The following UBR2 variants were observed in gnomAD, a reference collection of about 807,000 sequenced individuals.
The protein encoded by UBR2 is ubiquitin protein ligase E3 component n-recognin 2.
UBR2 carries 92 observed loss-of-function variants against 247.9 expected under a neutral mutation model. The ratio of observed to expected loss-of-function variants is 0.37; its 90% CI spans 0.31 to 0.44. The LOEUF is 0.44. Among genes scored for constraint, UBR2 ranks in the 20% least tolerant of loss-of-function variants. The pLI, the probability that UBR2 is intolerant of heterozygous loss-of-function variation, is 1.00. For synonymous variants in UBR2, 672 were observed against 693.5 expected (o/e 0.97, Z 0.49); for missense variants, 1,613 against 2,112.6 (o/e 0.76, Z 4.64).
intron 31 of UBR2, among the ~76,000 whole-genome samples, chr6:42,662,708 T>G (rs2151976598): frequency 6.6e-6 from 1 of 152,330 alleles, no homozygotes; most frequent in South Asian, 2.1e-4. Flanking sequence ...TCTACCTTGG[T>G]GTTTCCTATG....
chr6:42,574,121 T>A (rs1791347763), intron 2 of UBR2, 128 bp downstream of exon 2: 2 of 899,148 alleles, frequency 2.2e-6, no homozygotes, highest in African/African-American at 1.7e-5. Context: ...GTATTACAAA[T>A]ACATGCTATT....
intron 45 of UBR2, among the ~76,000 whole-genome samples, chr6:42,688,687 C>T (rs1370099760): frequency 1.3e-5 from 2 of 152,206 alleles, no homozygotes; most frequent in Non-Finnish European, 1.5e-5. Context: ...CAAATCCAGT[C>T]AGAATTACTC....
In UBR2 at chr6:42,667,587, C is replaced by CTTTTTT. The variant is rs1161068427; in HGVS notation, c.3881+1361_3881+1366dup. ...TATTTCCTTTCTTGTACAGTTTTGTCTTTTTTTTTTTTTTTTTTTTTTTTG... is the reference window on the plus strand; with the variant it reads ...TATTTCCTTTCTTGTACAGTTTTGTCTTTTTTTTTTTTTTTTTTTTTTTTTTTTTTG... On this transcript the variant is annotated intron_variant, in intron 34 of 46. Transcript: ENST00000372901. 2.2e-3 allele frequency among the ~76,000 whole-genome samples: 103 copies of CTTTTTT among 47,408 alleles called. 1 individual carries two copies. Among genetic ancestry groups the CTTTTTT allele is most frequent in the South Asian group, 2.9e-3 (2 of 696 alleles). 31.1% of individuals were successfully genotyped at this position (47,408 alleles called of 152,430 possible). A position where few individuals can be genotyped will look rare whatever the true frequency, so the allele number is the denominator to read the frequency against.
rs754684400 is a variant in UBR2 at position 42,676,897 on chromosome 6, C to T, written c.4478+24C>T. On this transcript the variant is annotated intron_variant, in intron 40 of 46. Transcript: ENST00000372901. ...AGGTGAGTTAGTTATCTTTACATAACGCATTTCCCTAAATATTGCTAGATG... is the reference window on the plus strand; with the variant it reads ...AGGTGAGTTAGTTATCTTTACATAATGCATTTCCCTAAATATTGCTAGATG... 1.3e-5 allele frequency: 20 copies of T among 1,549,580 alleles called. No individual in the cohort carries two copies. The Admixed American group carries it at 1.5e-4, about 12-fold the overall frequency.
chr6:42,650,742 A>G (rs1227538424), intron 23 of UBR2, among the ~76,000 whole-genome samples: 1 of 152,146 alleles, frequency 6.6e-6, no homozygotes, highest in Non-Finnish European at 1.5e-5. Context: ...TTTTGGAGTT[A>G]CCCCCTAGCG....
chr6:42,640,747 T>G (rs758056522), intron 16 of UBR2, among the ~76,000 whole-genome samples: 1 of 152,046 alleles, frequency 6.6e-6, no homozygotes, highest in Non-Finnish European at 1.5e-5. Context: ...TTTATTTTTT[T>G]GAGACAGAGT....
At chr6:42,590,218 G>C (rs1202180726) in intron 2 of UBR2, among the ~76,000 whole-genome samples, 1 of 152,190 alleles carries the variant, frequency 6.6e-6, no homozygotes, top group Admixed American at 6.5e-5. Context: ...GATTGTAAAA[G>C]CTTGGAGATG....
intron 44 of UBR2, among the ~76,000 whole-genome samples, chr6:42,685,374 T>C (rs533504556): frequency 6.6e-6 from 1 of 150,654 alleles, no homozygotes; most frequent in South Asian, 2.1e-4. Context: ...CATTTCACTA[T>C]GTTTCAGAAT....
At chr6:42,609,139 C>G (rs895143563) in intron 7 of UBR2, among the ~76,000 whole-genome samples, 1 of 152,132 alleles carries the variant, frequency 6.6e-6, no homozygotes, top group Admixed American at 6.6e-5. Flanking sequence ...GGAATACATG[C>G]TTAACAATAA....
At chr6:42,641,520 T>C in intron 16 of UBR2, 62 bp from the exon 17 acceptor site, 2 of 1,283,080 alleles carry the variant, frequency 1.6e-6, no homozygotes, top group South Asian at 1.3e-5. Flanking sequence ...AACTTCTTTT[T>C]AGAACTGATT....
In UBR2 at chr6:42,573,803, T is replaced by C. The variant is rs780332282; in HGVS notation, c.148T>C (p.Tyr50His). The change falls in exon 2 of 47, where the codon TAC becomes CAC. Residue 50 changes from tyrosine to histidine, a missense_variant. By Grantham distance (83) the Tyr-to-His change is moderately conservative. Around this residue, in one of 3 missense-constraint regions of UBR2, gnomAD observed 1,524 missense variants for 1,967.3 expected, o/e 0.77. Coordinates refer to ENST00000372901, the MANE Select transcript of UBR2 (RefSeq NM_001363705.2). ...QHLAHYVPKI[Y>H]CRGPNPFPQK... The stretch of plus-strand genomic sequence containing the variant: ...TTTAGCCCACTATGTACCCAAAATC[T>C]ACTGCAGGGGTCCCAACCCTTTTCC... 4 of 1,613,364 alleles carry C rather than the reference T, an allele frequency of 2.5e-6. No individual in the cohort carries two copies. Among genetic ancestry groups the C allele is most frequent in the Non-Finnish European group, 3.4e-6 (4 of 1,179,634 alleles).
At chr6:42,564,645 A>G (rs1372331480) in intron 1 of UBR2, among the ~76,000 whole-genome samples, 1 of 152,182 alleles carries the variant, frequency 6.6e-6, no homozygotes, top group Non-Finnish European at 1.5e-5. Context: ...AGGAGAACCC[A>G]CGGCTCTTCC....
At chr6:42,641,081 T>G (rs1796418856) in intron 16 of UBR2, among the ~76,000 whole-genome samples, 1 of 152,194 alleles carries the variant, frequency 6.6e-6, no homozygotes, top group African/African-American at 2.4e-5. Context: ...ATAGCAACAT[T>G]AGATTGGTGT....
chr6:42,684,809 T>A lies in UBR2; in HGVS notation c.4791T>A (p.Ser1597=). 6.2e-7 allele frequency: 1 copy of A among 1,609,220 alleles called. No individual in the cohort carries two copies. The highest frequency in any genetic ancestry group is 8.5e-7 in the Non-Finnish European group (1 of 1,177,748). ...ERDAIRYPRE[S]NKLINLPEDY... is the part of the protein sequence containing the mutation. ...TTTTTTTCAGATATCCAAGAGAATCTAACAAATTAATAAACCTTCCAGAGG... is the reference window on the plus strand; with the variant it reads ...TTTTTTTCAGATATCCAAGAGAATCAAACAAATTAATAAACCTTCCAGAGG... Residue 1597 remains serine, a synonymous_variant, in exon 44 of 47, where the codon TCT becomes TCA. Coordinates refer to ENST00000372901, the MANE Select transcript of UBR2 (RefSeq NM_001363705.2).
At position 42,688,361 on chromosome 6, in the gene UBR2, G is replaced by A. The variant is rs1362320499; in HGVS notation, c.4999G>A (p.Gly1667Ser). Residue 1667 changes from glycine (G) to serine (S), a missense_variant, in exon 45 of 47, where the codon GGC becomes AGC. This residue lies in a region of UBR2 where 80 missense variants were observed against 108.6 expected (regional missense o/e 0.74). Coordinates refer to ENST00000372901, the MANE Select transcript of UBR2 (RefSeq NM_001363705.2). Reference protein sequence around the residue: ...GACTAHTYSCGSGVGIFLRVR... With the variant: ...GACTAHTYSCSSGVGIFLRVR... ...CTGCACAGCTCACACCTACTCCTGT[G>A]GCTCTGGAGTGGGCATCTTCCTGAG... The A allele has an allele frequency of 6.2e-7, 1 of 1,613,520 alleles. No homozygotes were observed. The highest frequency in any genetic ancestry group is 2.2e-5 in the East Asian group (1 of 44,888).
intron 1 of UBR2, among the ~76,000 whole-genome samples, chr6:42,570,449 T>C (rs1233461957): frequency 3.9e-5 from 6 of 152,072 alleles, no homozygotes; most frequent in African/African-American, 7.2e-5. Flanking sequence ...GCCATGGTGG[T>C]CTCGAACTCC....
chr6:42,603,224 C>G (rs1299517963), intron 4 of UBR2, among the ~76,000 whole-genome samples: 1 of 152,058 alleles, frequency 6.6e-6, no homozygotes, highest in East Asian at 1.9e-4. Flanking sequence ...AGGTAATAGT[C>G]CTTTGTGTAT....
intron 43 of UBR2, among the ~76,000 whole-genome samples, chr6:42,684,235 G>A (rs543816543): frequency 4.6e-5 from 7 of 152,258 alleles, no homozygotes; most frequent in African/African-American, 1.7e-4. Flanking sequence ...TAAAGCCCTA[G>A]CATGTCTGTC....
rs1797645937 is a variant in UBR2, at chr6:42,659,414, T to C, written c.3243-242T>C. Reference sequence around the variant, plus strand: ...TACTCAGGAGGCTGAGTCAGGAGAATTGCTTGAACCTGCGAGGCGGAGGTT... The same window carrying C: ...TACTCAGGAGGCTGAGTCAGGAGAACTGCTTGAACCTGCGAGGCGGAGGTT... On this transcript the variant is annotated intron_variant, in intron 29 of 46. Transcript: ENST00000372901. The surrounding 1 kb of genome is among the most constrained non-coding windows in gnomAD (Gnocchi z 4.3). 6.6e-6 allele frequency among the ~76,000 whole-genome samples: 1 copy of C among 151,718 alleles called. No homozygotes were observed. The highest frequency in any genetic ancestry group is 2.4e-5 in the African/African-American group (1 of 41,266).
Sources: allele counts gnomAD v4.1 joint callset (sites outside exome capture counted in the v4.1 genomes callset), GRCh38; gene constraint gnomAD v4.1.1; regional missense constraint gnomAD v4.1.1; non-coding constraint Gnocchi (gnomAD v3.1); transcripts MANE v1.5; gene names NCBI Gene and HGNC (gene_info 2026-07-23, HGNC 2026-07-21).